The following SPON2 variants were observed in gnomAD, a reference collection of about 807,000 sequenced individuals.
The protein encoded by SPON2 is spondin-2.
In SPON2, 32 loss-of-function variants were observed where a neutral mutation model predicts 29.9. The ratio of observed to expected loss-of-function variants is 1.07; its 90% CI spans 0.81 to 1.44. SPON2 has a LOEUF of 1.44. Among genes scored for constraint, SPON2 ranks in the 40% most tolerant of loss-of-function variants. SPON2 has a pLI of 0.00. For synonymous variants in SPON2, 248 were observed against 209.1 expected, an observed-to-expected ratio of 1.19 and a Z score of -1.61; for missense variants, 541 against 455.5, an observed-to-expected ratio of 1.19 and a Z score of -1.71.
At chr4:1,176,823 T>A (rs1577901686), upstream of SPON2, among the ~76,000 whole-genome samples, 1 of 152,306 alleles carries the variant, frequency 6.6e-6, no homozygotes, top group African/African-American at 2.4e-5. Context: ...CCACAGTTCA[T>A]TCATTCATTC....
intron 2 of SPON2, 60 bp downstream of exon 2, chr4:1,171,792 G>A: frequency 8.8e-7 from 1 of 1,132,472 alleles, no homozygotes; most frequent in Non-Finnish European, 1.3e-6. Flanking sequence ...AGCTGTGCGG[G>A]GGGCTCCGGC....
intron 1 of SPON2, among the ~76,000 whole-genome samples, chr4:1,186,001 T>G (rs535187864): frequency 6.6e-6 from 1 of 151,408 alleles, no homozygotes; most frequent in East Asian, 2.0e-4. Context: ...TCCCAGCACT[T>G]TGGGAGGCCG....
upstream of SPON2, chr4:1,199,762 C>T (rs1358475764): frequency 6.6e-6 from 1 of 152,456 alleles, no homozygotes; most frequent in African/African-American, 2.4e-5. This position sits in a 1 kb window ranked among gnomAD's most constrained non-coding sequence, Gnocchi z 4.5. Context: ...ATGCCCACGT[C>T]CAGCTGGCAG....
chr4:1,167,927 C>A, intron 5 of SPON2: 2 of 400,074 alleles, frequency 5.0e-6, no homozygotes, highest in Non-Finnish European at 8.9e-6. Flanking sequence ...ACTCCCACAT[C>A]GTGGCAGAGT....
At chr4:1,175,698 C>T (rs1231615559), upstream of SPON2, among the ~76,000 whole-genome samples, 5 of 151,162 alleles carry the variant, frequency 3.3e-5, no homozygotes, top group Non-Finnish European at 5.9e-5. Context: ...GGTGGTAGGC[C>T]CAGGCCTGGG....
In SPON2 at chr4:1,170,840, C is replaced by T. The variant is rs536242164; in HGVS notation, c.636+159G>A. 142 of 1,107,732 alleles carry T rather than the reference C, an allele frequency of 1.3e-4. 4 individuals are homozygous for T. In the South Asian group the frequency reaches 1.6e-3, roughly 13 times the overall value. 68.6% of individuals were successfully genotyped at this position (1,107,732 alleles called of 1,614,324 possible). On this transcript the variant is annotated intron_variant, in intron 4 of 5. Coordinates refer to ENST00000290902, the MANE Select transcript of SPON2 (RefSeq NM_012445.4). Reference sequence around the variant, plus strand: ...GGGTTGGGAGAGTATGGGAGGGCTGCACCCCCTTGCTCACTGCTGGCGCTA... The same window carrying T: ...GGGTTGGGAGAGTATGGGAGGGCTGTACCCCCTTGCTCACTGCTGGCGCTA...
At chr4:1,171,799 C>G (rs2242279) in intron 2 of SPON2, 53 bp downstream of exon 2, 375,964 of 1,300,182 alleles carry the variant, frequency 0.29, 58,601 homozygotes, top group Middle Eastern at 0.37. Flanking sequence ...CGGGGGGCTC[C>G]GGCGCCGCAG....
chr4:1,174,802 C>T (rs1727559457), upstream of SPON2, among the ~76,000 whole-genome samples: 1 of 152,192 alleles, frequency 6.6e-6, no homozygotes, highest in Admixed American at 6.5e-5. Context: ...GCTGGATTCC[C>T]ATATCGGCTC....
chr4:1,167,821 A>G (rs1221212202), intron 5 of SPON2, 165 bp from the exon 6 acceptor site: 1 of 650,300 alleles, frequency 1.5e-6, no homozygotes, highest in African/African-American at 1.8e-5. Context: ...GCAAGATGGG[A>G]TGGCACCATA....
rs117042933 is a variant in SPON2 at position 1,182,128 on chromosome 4, T to A, written c.-238-2587A>T. 4.6e-5 allele frequency among the ~76,000 whole-genome samples: 7 copies of A among 152,200 alleles called. No individual in the cohort carries two copies. The East Asian group carries it at 1.3e-3, about 29-fold the overall frequency. On this transcript the variant is annotated intron_variant, in intron 1 of 3. Transcript: ENST00000502483. ...ACAAACCCCAGGGAAGGGGGAAACA[T>A]GATTTTCAAAATTGTGATATTAGAT...
At chr4:1,177,876 C>G (rs1389343096), upstream of SPON2, among the ~76,000 whole-genome samples, 1 of 152,202 alleles carries the variant, frequency 6.6e-6, no homozygotes, top group Non-Finnish European at 1.5e-5. Flanking sequence ...CGGCCGTCTC[C>G]TCCAGAGCAC....
At chr4:1,182,198 G>A (rs999315144) in intron 1 of SPON2, among the ~76,000 whole-genome samples, 2 of 152,054 alleles carry the variant, frequency 1.3e-5, no homozygotes, top group African/African-American at 4.8e-5. Flanking sequence ...GGCATACAAA[G>A]AAACAGGAAA....
chr4:1,176,422 C>G (rs1560204468), upstream of SPON2, among the ~76,000 whole-genome samples: 1 of 152,106 alleles, frequency 6.6e-6, no homozygotes, highest in Admixed American at 6.5e-5. Flanking sequence ...ATTCATCCAC[C>G]CATTCAAATA....
intron 1 of SPON2, among the ~76,000 whole-genome samples, chr4:1,189,151 A>G (rs924810177): frequency 6.6e-5 from 10 of 152,294 alleles, no homozygotes; most frequent in Admixed American, 6.5e-4. Flanking sequence ...ATGAAAACAC[A>G]ATATACTAAA....
chr4:1,201,181 C>T (rs1462215877), intron 1 of SPON2: 1 of 450,686 alleles, frequency 2.2e-6, no homozygotes, highest in South Asian at 1.6e-5. Context: ...CCCAGTTCCT[C>T]CAGCCCCTCC....
intron 1 of SPON2, among the ~76,000 whole-genome samples, chr4:1,188,817 C>G (rs920413680): frequency 6.6e-6 from 1 of 152,206 alleles, no homozygotes; most frequent in Non-Finnish European, 1.5e-5. Flanking sequence ...TCAACAGGCT[C>G]TAACCCACCT....
rs142510011 is a variant in SPON2 at position 1,190,039 on chromosome 4, T to C, written c.-239+4951A>G. ...TTTTGAAAAGATCAAGAAAATTGAA[T>C]AGCCAGACTAAGAAAAAAGAGAAGA... On this transcript the variant is annotated intron_variant, in intron 1 of 3. Coordinates refer to the SPON2 transcript ENST00000502483. 3.0e-4 allele frequency among the ~76,000 whole-genome samples: 45 copies of C among 149,282 alleles called. No individual in the cohort carries two copies. In the East Asian group the frequency reaches 7.4e-3, roughly 25 times the overall value.
intron 1 of SPON2, 57 bp from the exon 2 acceptor site, chr4:1,172,131 G>A: frequency 6.7e-7 from 1 of 1,502,702 alleles, no homozygotes; most frequent in Non-Finnish European, 9.1e-7. Flanking sequence ...GCCTCGGGGT[G>A]GAAAGCCGAG....
At chr4:1,173,839 G>A (rs1727534852), upstream of SPON2, among the ~76,000 whole-genome samples, 1 of 152,208 alleles carries the variant, frequency 6.6e-6, no homozygotes, top group Admixed American at 6.5e-5. Flanking sequence ...CAGGCCCCCA[G>A]GCCAAAGACA....
Sources: allele counts gnomAD v4.1 joint callset (sites outside exome capture counted in the v4.1 genomes callset), GRCh38; gene constraint gnomAD v4.1.1; non-coding constraint Gnocchi (gnomAD v3.1); transcripts MANE v1.5; gene names NCBI Gene and HGNC (gene_info 2026-07-23, HGNC 2026-07-21).